Variants in PLAGL1 observed in about 807,000 individuals in gnomAD.
The protein encoded by PLAGL1 is PLAG1 like zinc finger 1.
PLAGL1 carries 1 observed loss-of-function variant against 4.6 expected under a neutral mutation model. That is an observed-to-expected ratio of 0.22 (90% CI 0.08 to 1.03). The LOEUF (loss-of-function observed/expected upper bound fraction) is 1.03, where lower values mean the gene tolerates loss of function less well. PLAGL1 is among the 50% of genes least tolerant of loss of function. The pLI, the probability that PLAGL1 is intolerant of heterozygous loss-of-function variation, is 0.58. For missense variants in PLAGL1, 464 were observed against 570.4 expected, an observed-to-expected ratio of 0.81 and a Z score of 1.90; for synonymous variants, 240 against 237.8, an observed-to-expected ratio of 1.01 and a Z score of -0.08.
At chr6:144,018,303 C>T (rs1440145416) in intron 1 of PLAGL1, among the ~76,000 whole-genome samples, 1 of 152,146 alleles carries the variant, frequency 6.6e-6, no homozygotes, top group Non-Finnish European at 1.5e-5. Flanking sequence ...CATGATCTTT[C>T]TTACCTGTAG....
At chr6:143,951,653 C>G (rs1421035522) in intron 6 of PLAGL1, among the ~76,000 whole-genome samples, 1 of 152,258 alleles carries the variant, frequency 6.6e-6, no homozygotes, top group East Asian at 1.9e-4. Context: ...GCCTACATTT[C>G]CCCTGAGCCC....
chr6:144,027,714 A>T lies in PLAGL1; in HGVS notation c.-151+36754T>A, dbSNP rs1303994003. On this transcript the variant is annotated intron_variant, in intron 1 of 3. Transcript: ENST00000437412. The surrounding 1 kb of genome is among the most constrained non-coding windows in gnomAD (Gnocchi z 5.8). ...TTCTTGTTTTGAAATGAGGTTATAT[A>T]TTTAAAAGTCTCTTTAGTGGGAAAC... is the stretch of plus-strand genomic sequence containing the variant. 6.6e-6 allele frequency among the ~76,000 whole-genome samples: 1 copy of T among 152,234 alleles called. No individual in the cohort carries two copies. The highest frequency in any genetic ancestry group is 1.5e-5 in the Non-Finnish European group (1 of 68,036).
Position 143,966,254 on chromosome 6 carries a change from C to G in PLAGL1, c.-471-56G>C, listed in dbSNP as rs1030600756. 5.3e-5 allele frequency: 8 copies of G among 152,170 alleles called. No individual in the cohort carries two copies. Among genetic ancestry groups the G allele is most frequent in the African/African-American group, 1.4e-4 (6 of 41,434 alleles). 9.4% of individuals were successfully genotyped at this position (152,170 alleles called of 1,614,324 possible). On this transcript the variant is annotated intron_variant, in intron 3 of 7. Coordinates refer to ENST00000674357, the MANE Select transcript of PLAGL1 (RefSeq NM_001317162.2). The surrounding 1 kb of genome is among the most constrained non-coding windows in gnomAD (Gnocchi z 6.0). ...CACTGAAAGTTGTTAATCAGGAGAG[C>G]AATATGTTCAGGCTTGTGTTATAGA...
rs1202243867 is a variant in PLAGL1, at chr6:144,048,559, C to T, written c.-151+15909G>A. Reference sequence around the variant, plus strand: ...ACTATATGGAAGCCTCCAAGGCTTACAGCTTGCAGTCTCTGAAGCAATGGC... The same window carrying T: ...ACTATATGGAAGCCTCCAAGGCTTATAGCTTGCAGTCTCTGAAGCAATGGC... On this transcript the variant is annotated intron_variant, in intron 1 of 3. Coordinates refer to the PLAGL1 transcript ENST00000437412. The surrounding 1 kb of genome is among the most constrained non-coding windows in gnomAD (Gnocchi z 4.8). 6.6e-6 allele frequency among the ~76,000 whole-genome samples: 1 copy of T among 152,250 alleles called. No homozygotes were observed. Among genetic ancestry groups the T allele is most frequent in the Non-Finnish European group, 1.5e-5 (1 of 68,036 alleles).
rs1166124835 is a variant in PLAGL1, at chr6:143,997,672, T to C, written c.-584+10418A>G. Among the ~76,000 whole-genome samples, 1 of 151,720 alleles carries C rather than the reference T, an allele frequency of 6.6e-6. No homozygotes were observed. The highest frequency in any genetic ancestry group is 1.5e-5 in the Non-Finnish European group (1 of 67,924). On this transcript the variant is annotated intron_variant, in intron 1 of 7. Transcript: ENST00000674357. The surrounding 1 kb of genome is among the most constrained non-coding windows in gnomAD (Gnocchi z 4.6). ...TCACACTCCAGCCTGGGTGGCAGAG[T>C]GAGATACCATCTTGGGGCGGAGGGG...
At chr6:143,944,775 A>T (rs73590614) in intron 7 of PLAGL1, among the ~76,000 whole-genome samples, 6,951 of 136,958 alleles carry the variant, frequency 0.051, 532 homozygotes, top group African/African-American at 0.17. Context: ...CACACTCAGT[A>T]TTTAAACCTT....
chr6:144,009,662 C>G (rs1794992914), upstream of PLAGL1, among the ~76,000 whole-genome samples: 1 of 152,120 alleles, frequency 6.6e-6, no homozygotes, highest in Non-Finnish European at 1.5e-5. Flanking sequence ...CTATCCCTAC[C>G]CCACTAGCCC....
rs904863040 is a variant in PLAGL1 at position 143,990,272 on chromosome 6, C to T, written c.-583-5098G>A. On this transcript the variant is annotated intron_variant, in intron 1 of 7. Coordinates refer to ENST00000674357, the MANE Select transcript of PLAGL1 (RefSeq NM_001317162.2). This position sits in a 1 kb window ranked among gnomAD's most constrained non-coding sequence, Gnocchi z 5.4. ...AGTAGCTGGGATTACAGGCATGTGC[C>T]ACCATGCCCAGCTAATTTTTGTATT... Among the ~76,000 whole-genome samples, 4 of 152,144 alleles carry T rather than the reference C, an allele frequency of 2.6e-5. No individual in the cohort carries two copies. Among genetic ancestry groups the T allele is most frequent in the Non-Finnish European group, 4.4e-5 (3 of 68,036 alleles).
At chr6:144,057,776 A>ATTT (rs60234022) in intron 1 of PLAGL1, among the ~76,000 whole-genome samples, 1 of 137,212 alleles carries the variant, frequency 7.3e-6, no homozygotes, top group Admixed American at 7.1e-5. Context: ...ACGCCTCACC[A>ATTT]TTTTTTTTTT....
In PLAGL1 at chr6:143,997,070, A is replaced by G. The variant is rs1210450638; in HGVS notation, c.-584+11020T>C. The stretch of plus-strand genomic sequence containing the variant: ...AGATACATAGAAAAGTCATGAAATC[A>G]TCAAGGAAATGCACATGAAAACCAT... On this transcript the variant is annotated intron_variant, in intron 1 of 7. Transcript: ENST00000674357. This position sits in a 1 kb window ranked among gnomAD's most constrained non-coding sequence, Gnocchi z 4.6. 6.6e-6 allele frequency among the ~76,000 whole-genome samples: 1 copy of G among 152,258 alleles called. No individual in the cohort carries two copies. The highest frequency in any genetic ancestry group is 2.4e-5 in the African/African-American group (1 of 41,468).
In PLAGL1 at chr6:144,039,277, A is replaced by G. The variant is rs1797530387; in HGVS notation, c.-151+25191T>C. On this transcript the variant is annotated intron_variant, in intron 1 of 3. Coordinates refer to the PLAGL1 transcript ENST00000437412. This position sits in a 1 kb window ranked among gnomAD's most constrained non-coding sequence, Gnocchi z 4.1. Reference sequence around the variant, plus strand: ...TGGTTGACTTCATTAGTCATCAGATAATGAAATTTTAAAATATCACATGCT... The same window carrying G: ...TGGTTGACTTCATTAGTCATCAGATGATGAAATTTTAAAATATCACATGCT... Among the ~76,000 whole-genome samples the G allele has an allele frequency of 6.6e-6, 1 of 152,218 alleles. No homozygotes were observed. The highest frequency in any genetic ancestry group is 1.5e-5 in the Non-Finnish European group (1 of 68,040).
chr6:144,049,183 T>G (rs1160231244), intron 1 of PLAGL1, among the ~76,000 whole-genome samples: 1 of 152,260 alleles, frequency 6.6e-6, no homozygotes, highest in Non-Finnish European at 1.5e-5. Flanking sequence ...CACCTCAGCC[T>G]GTACTTCATT....
rs781448211 is a variant in PLAGL1 at position 143,942,172 on chromosome 6, C to G, written c.644G>C (p.Ser215Thr). Residue 215 changes from serine to threonine, a missense_variant, in exon 8 of 8, where the codon AGC (serine) becomes ACC (threonine). Transcript: ENST00000674357. The surrounding 1 kb of genome is among the most constrained non-coding windows in gnomAD (Gnocchi z 7.6). ...KTHSQELMKE[S>T]LQTGDLLSTF... ...GCTCAGAAGGTCTCCGGTCTGCAAG[C>G]TCTCTTTCATCAGCTCCTGTGAGTG... 1.2e-6 allele frequency: 2 copies of G among 1,614,066 alleles called. No homozygotes were observed. Among genetic ancestry groups the G allele is most frequent in the Non-Finnish European group, 8.5e-7 (1 of 1,180,040 alleles).
chr6:144,039,993 A>G lies in PLAGL1; in HGVS notation c.-151+24475T>C, dbSNP rs1797600111. The stretch of plus-strand genomic sequence containing the variant: ...TTTATATCATATAATTCCATGTACA[A>G]CATTCAACAACAAGCAAAACTAAAC... On this transcript the variant is annotated intron_variant, in intron 1 of 3. Coordinates refer to the PLAGL1 transcript ENST00000437412. The surrounding 1 kb of genome is among the most constrained non-coding windows in gnomAD (Gnocchi z 4.1). Among the ~76,000 whole-genome samples the G allele has an allele frequency of 6.6e-6, 1 of 152,220 alleles. No homozygotes were observed. Among genetic ancestry groups the G allele is most frequent in the Non-Finnish European group, 1.5e-5 (1 of 68,040 alleles).
At position 143,989,190 on chromosome 6, in the gene PLAGL1, G is replaced by A. The variant is rs759072395; in HGVS notation, c.-583-4016C>T. On this transcript the variant is annotated intron_variant, in intron 1 of 7. Coordinates refer to ENST00000674357, the MANE Select transcript of PLAGL1 (RefSeq NM_001317162.2). The surrounding 1 kb of genome is among the most constrained non-coding windows in gnomAD (Gnocchi z 4.8). ...GGGTGCCCCAGGGGACATTAAAAAC[G>A]CACAGAAACAATAGAGTGGAAAGGC... Among the ~76,000 whole-genome samples, 23 of 152,276 alleles carry A rather than the reference G, an allele frequency of 1.5e-4. No homozygotes were observed. The highest frequency in any genetic ancestry group is 4.8e-4 in the African/African-American group (20 of 41,554).
Position 144,039,460 on chromosome 6 carries a change from C to T in PLAGL1, c.-151+25008G>A, listed in dbSNP as rs567748890. ...AATTAGCTGGGCATGTTGGCACATG[C>T]TTGTAATCCCAGCTACTCAAGAGGC... is the stretch of plus-strand genomic sequence containing the variant. On this transcript the variant is annotated intron_variant, in intron 1 of 3. Transcript: ENST00000437412. The surrounding 1 kb of genome is among the most constrained non-coding windows in gnomAD (Gnocchi z 4.1). Among the ~76,000 whole-genome samples the T allele has an allele frequency of 2.0e-5, 3 of 152,224 alleles. No individual in the cohort carries two copies. Among genetic ancestry groups the T allele is most frequent in the Admixed American group, 6.5e-5 (1 of 15,288 alleles).
At chr6:144,043,202 C>T (rs1353244102) in intron 1 of PLAGL1, among the ~76,000 whole-genome samples, 1 of 152,170 alleles carries the variant, frequency 6.6e-6, no homozygotes, top group African/African-American at 2.4e-5. Context: ...CCAGAACTTC[C>T]AACACTATGT....
At position 144,008,097 on chromosome 6, in the gene PLAGL1, G is replaced by T. The variant is rs1794725635; in HGVS notation, c.-591C>A. 6.6e-6 allele frequency: 1 copy of T among 151,772 alleles called. No homozygotes were observed. The highest frequency in any genetic ancestry group is 2.1e-4 in the South Asian group (1 of 4,836). 9.4% of individuals were successfully genotyped at this position (151,772 alleles called of 1,614,324 possible). A position where few individuals can be genotyped will look rare whatever the true frequency, so the allele number is the denominator to read the frequency against. On this transcript the variant is annotated 5_prime_UTR_variant, in exon 1 of 8. Coordinates refer to ENST00000674357, the MANE Select transcript of PLAGL1 (RefSeq NM_001317162.2). This position sits in a 1 kb window ranked among gnomAD's most constrained non-coding sequence, Gnocchi z 6.9. ...GAGCACCCAAACACCTACCCTGCGG[G>T]GCGACGACCCCCGGAGCTCAGGCGA...
chr6:144,006,488 T>C lies in PLAGL1; in HGVS notation c.-584+1602A>G, dbSNP rs1352324891. 6.6e-6 allele frequency: 1 copy of C among 152,202 alleles called. No homozygotes were observed. The highest frequency in any genetic ancestry group is 6.5e-5 in the Admixed American group (1 of 15,282). 9.4% of individuals were successfully genotyped at this position (152,202 alleles called of 1,614,324 possible). A position where few individuals can be genotyped will look rare whatever the true frequency, so the allele number is the denominator to read the frequency against. On this transcript the variant is annotated intron_variant, in intron 1 of 7. Coordinates refer to ENST00000674357, the MANE Select transcript of PLAGL1 (RefSeq NM_001317162.2). This position sits in a 1 kb window ranked among gnomAD's most constrained non-coding sequence, Gnocchi z 4.3. Reference sequence around the variant, plus strand: ...GACTTTTTTTCTTTACTACTTTTAATGCCTATACATGCATCCCTAAACAAC... The same window carrying C: ...GACTTTTTTTCTTTACTACTTTTAACGCCTATACATGCATCCCTAAACAAC...
Sources: allele counts gnomAD v4.1 joint callset (sites outside exome capture counted in the v4.1 genomes callset), GRCh38; gene constraint gnomAD v4.1.1; non-coding constraint Gnocchi (gnomAD v3.1); transcripts MANE v1.5; gene names NCBI Gene and HGNC (gene_info 2026-07-23, HGNC 2026-07-21).